Variants in ZCCHC14 observed in about 807,000 individuals in gnomAD.
The protein encoded by ZCCHC14 is zinc finger CCHC domain-containing protein 14.
In ZCCHC14, 16 loss-of-function variants were observed where a neutral mutation model predicts 85.0. The observed-to-expected ratio is 0.19, with a 90% CI of 0.13 to 0.29. The LOEUF is 0.29. Among genes scored for constraint, ZCCHC14 ranks in the 10% least tolerant of loss-of-function variants. The pLI is 1.00. For synonymous variants in ZCCHC14, 775 were observed against 630.7 expected (o/e 1.23, Z -3.43); for missense variants, 1,303 against 1,443.5 (o/e 0.90, Z 1.58).
intron 1 of ZCCHC14, among the ~76,000 whole-genome samples, chr16:87,481,681 A>T (rs1390678758): frequency 1.3e-5 from 2 of 152,046 alleles, no homozygotes; most frequent in Non-Finnish European, 2.9e-5. Context: ...AAAGATATTT[A>T]GGACTTGGTC....
chr16:87,473,706 A>C (rs927246608), intron 1 of ZCCHC14: 5 of 152,094 alleles, frequency 3.3e-5, no homozygotes, highest in African/African-American at 1.2e-4. Flanking sequence ...CAAAGCAGTG[A>C]GCACGTTCAA....
At chr16:87,443,119 T>A (rs1275985715) in intron 2 of ZCCHC14, among the ~76,000 whole-genome samples, 1 of 152,180 alleles carries the variant, frequency 6.6e-6, no homozygotes, top group Non-Finnish European at 1.5e-5. Context: ...TCAAAATAGG[T>A]TTGATGGTTG....
intron 3 of ZCCHC14, among the ~76,000 whole-genome samples, chr16:87,430,920 G>A (rs1286670736): frequency 2.0e-5 from 3 of 147,232 alleles, no homozygotes; most frequent in Non-Finnish European, 4.5e-5. Flanking sequence ...CGGGCAGATC[G>A]CTTGAGCAGG....
intron 2 of ZCCHC14, among the ~76,000 whole-genome samples, chr16:87,435,518 G>A (rs913020735): frequency 3.3e-5 from 5 of 152,352 alleles, no homozygotes; most frequent in East Asian, 1.9e-4. Flanking sequence ...TGGAGCCAAC[G>A]ACACTGACTC....
intron 2 of ZCCHC14, among the ~76,000 whole-genome samples, chr16:87,442,208 C>A (rs919365709): frequency 1.3e-5 from 2 of 152,196 alleles, no homozygotes; most frequent in Non-Finnish European, 2.9e-5. Flanking sequence ...GGACGGCAAG[C>A]AATGCCCCCA....
intron 2 of ZCCHC14, among the ~76,000 whole-genome samples, chr16:87,456,332 T>G (rs1043656732): frequency 4.6e-5 from 7 of 151,856 alleles, no homozygotes; most frequent in African/African-American, 1.7e-4. Context: ...AGATCGAGAC[T>G]ATCCTGGCTA....
rs767511480 is a variant in ZCCHC14 at position 87,411,661 on chromosome 16, T to G, written c.3060A>C (p.Ala1020=). Residue 1020 remains alanine (A), a synonymous_variant, in exon 12 of 13, where the codon GCA becomes GCC. Coordinates refer to ENST00000671377, the MANE Select transcript of ZCCHC14 (RefSeq NM_015144.3). ...CCAGTCCTTGGGTCTGGTACACCCC[T>G]GCTGTCCCTGCCATGAAGTTCTGCA... is the stretch of plus-strand genomic sequence containing the variant. The part of the protein sequence containing the change: ...PPMQNFMAGT[A]GVYQTQGLVG... The G allele has an allele frequency of 1.9e-6, 3 of 1,614,004 alleles. No homozygotes were observed. The highest frequency in any genetic ancestry group is 4.5e-5 in the East Asian group (2 of 44,880).
intron 10 of ZCCHC14, among the ~76,000 whole-genome samples, chr16:87,413,401 G>A (rs1056617102): frequency 1.3e-5 from 2 of 152,208 alleles, no homozygotes; most frequent in Non-Finnish European, 2.9e-5. Flanking sequence ...CACCCGCTCA[G>A]CCAGGGCCCT....
chr16:87,437,484 G>C (rs190174451), intron 2 of ZCCHC14, among the ~76,000 whole-genome samples: 1 of 152,136 alleles, frequency 6.6e-6, no homozygotes. Context: ...TAAAAATGGC[G>C]ATTCGGCCAC....
intron 1 of ZCCHC14, among the ~76,000 whole-genome samples, chr16:87,466,327 C>T (rs1034448092): frequency 8.5e-5 from 13 of 152,186 alleles, no homozygotes; most frequent in African/African-American, 2.7e-4. Context: ...GACGTGCTGA[C>T]GCAGTCAGAT....
At chr16:87,437,379 A>T (rs1162586020) in intron 2 of ZCCHC14, among the ~76,000 whole-genome samples, 1 of 150,896 alleles carries the variant, frequency 6.6e-6, no homozygotes, top group Non-Finnish European at 1.5e-5. Context: ...AGGGGCAAAC[A>T]TCACCCCATC....
intron 3 of ZCCHC14, among the ~76,000 whole-genome samples, chr16:87,427,259 T>C (rs1359423667): frequency 6.6e-6 from 1 of 152,260 alleles, no homozygotes; most frequent in East Asian, 1.9e-4. Context: ...CCTGCTGCTC[T>C]GGCAATGCCT....
chr16:87,432,571 C>T (rs756149370), intron 3 of ZCCHC14, among the ~76,000 whole-genome samples: 1 of 152,038 alleles, frequency 6.6e-6, no homozygotes, highest in Non-Finnish European at 1.5e-5. Flanking sequence ...TGGGGTACAG[C>T]GTCCAGGGAA....
intron 2 of ZCCHC14, among the ~76,000 whole-genome samples, chr16:87,437,337 CAAAAAAA>C (rs34871367): frequency 3.5e-5 from 2 of 57,762 alleles, no homozygotes; most frequent in South Asian, 7.9e-4. Flanking sequence ...AATTCCATCT[CAAAAAAA>C]AAAAAAAAAA....
At chr16:87,443,682 A>G (rs1910293372) in intron 2 of ZCCHC14, among the ~76,000 whole-genome samples, 2 of 152,182 alleles carry the variant, frequency 1.3e-5, no homozygotes, top group African/African-American at 4.8e-5. Flanking sequence ...GGATGCAATG[A>G]GCAGGGATCA....
chr16:87,442,266 C>T (rs1471556965), intron 2 of ZCCHC14, among the ~76,000 whole-genome samples: 1 of 152,234 alleles, frequency 6.6e-6, no homozygotes, highest in African/African-American at 2.4e-5. Context: ...ATGGAGCTGG[C>T]ACCACAGCCA....
At chr16:87,411,384 C>A (rs1309304146) in intron 12 of ZCCHC14, 132 bp downstream of exon 12, 2 of 1,513,078 alleles carry the variant, frequency 1.3e-6, no homozygotes, top group Non-Finnish European at 1.8e-6. Context: ...TGAAGATTTC[C>A]ACGCGCTTTC....
intron 1 of ZCCHC14, among the ~76,000 whole-genome samples, chr16:87,486,524 G>C (rs1185744422): frequency 6.6e-6 from 1 of 152,162 alleles, no homozygotes; most frequent in Non-Finnish European, 1.5e-5. Context: ...CACACAACAA[G>C]ATCAGCTGAG....
At chr16:87,472,207 G>A (rs774871595) in intron 1 of ZCCHC14, 6 of 152,152 alleles carry the variant, frequency 3.9e-5, no homozygotes, top group Admixed American at 6.5e-5. Context: ...TCAGACCCTC[G>A]GGAGGGCCGC....
Sources: allele counts gnomAD v4.1 joint callset (sites outside exome capture counted in the v4.1 genomes callset), GRCh38; gene constraint gnomAD v4.1.1; transcripts MANE v1.5; gene names NCBI Gene and HGNC (gene_info 2026-07-23, HGNC 2026-07-21).